Variants in MAGI2 observed in about 807,000 individuals in gnomAD.
The protein encoded by MAGI2 is membrane associated guanylate kinase, WW and PDZ domain containing 2.
In MAGI2, 35 loss-of-function variants were observed where a neutral mutation model predicts 133.3. The ratio of observed to expected loss-of-function variants is 0.26; its 90% CI spans 0.20 to 0.35. The LOEUF (loss-of-function observed/expected upper bound fraction) is 0.35. Ranked by LOEUF, MAGI2 falls within the 10% of genes least tolerant of loss-of-function variation. The pLI, the probability that MAGI2 is intolerant of heterozygous loss-of-function variation, is 1.00. For synonymous variants in MAGI2, 729 were observed against 710.6 expected (o/e 1.03, Z -0.41); for missense variants, 1,636 against 1,863.4 (o/e 0.88, Z 2.25).
intron 21 of MAGI2, among the ~76,000 whole-genome samples, chr7:78,070,160 T>TACACAC (rs1484073918): frequency 6.8e-4 from 35 of 51,664 alleles, no homozygotes; most frequent in African/African-American, 2.1e-3. Flanking sequence ...CACACATATA[T>TACACAC]ATACACACAC....
intron 2 of MAGI2, among the ~76,000 whole-genome samples, chr7:78,759,362 C>G (rs1252620408): frequency 1.3e-5 from 2 of 152,050 alleles, no homozygotes; most frequent in Non-Finnish European, 2.9e-5. Flanking sequence ...ACACATGGCA[C>G]TAAGATGCTT....
chr7:78,848,288 T>C (rs1284035738), intron 2 of MAGI2, among the ~76,000 whole-genome samples: 1 of 151,888 alleles, frequency 6.6e-6, no homozygotes, highest in African/African-American at 2.4e-5. Flanking sequence ...CAAAGCATCC[T>C]TGATTCTCCT....
At chr7:79,052,786 G>A (rs2117002660) in intron 1 of MAGI2, among the ~76,000 whole-genome samples, 1 of 152,070 alleles carries the variant, frequency 6.6e-6, no homozygotes, top group East Asian at 1.9e-4. Context: ...TAACTTGAAG[G>A]CACATAATGA....
intron 7 of MAGI2, among the ~76,000 whole-genome samples, chr7:78,350,885 C>T (rs1791438083): frequency 6.6e-6 from 1 of 152,178 alleles, no homozygotes; most frequent in African/African-American, 2.4e-5. Flanking sequence ...TGTTCACAAC[C>T]CACCTTGCTT....
chr7:78,501,682 A>C lies in MAGI2; in HGVS notation c.860T>G (p.Met287Arg). The change falls in exon 5 of 22, where the codon ATG (methionine) becomes AGG (arginine). Residue 287 changes from methionine to arginine, a missense_variant. Transcript: ENST00000354212. ...AGGTTTAGTTGGCTTTGTGTCATCC[A>C]TCTGCTCCTTCAGCTCCTCAGGCTG... ...YSQPEELKEQ[M>R]DDTKPTKPED... The C allele has an allele frequency of 6.2e-7, 1 of 1,614,108 alleles. No homozygotes were observed.
intron 16 of MAGI2, among the ~76,000 whole-genome samples, chr7:78,153,253 T>C (rs936958988): frequency 3.9e-5 from 6 of 152,182 alleles, no homozygotes; most frequent in African/African-American, 1.2e-4. Flanking sequence ...AATGAATGGC[T>C]AATTGGTTGC....
At chr7:79,382,594 A>C (rs1276013794) in intron 1 of MAGI2, among the ~76,000 whole-genome samples, 1 of 151,658 alleles carries the variant, frequency 6.6e-6, no homozygotes, top group Non-Finnish European at 1.5e-5. Context: ...CATAAGGGGA[A>C]AGCAATAGTG....
intron 2 of MAGI2, among the ~76,000 whole-genome samples, chr7:78,817,714 CTT>C (rs35369022): frequency 9.0e-5 from 13 of 144,122 alleles, no homozygotes; most frequent in Admixed American, 1.4e-4. Flanking sequence ...ATAGTGTAAA[CTT>C]TTTTTTTTTT....
intron 6 of MAGI2, among the ~76,000 whole-genome samples, chr7:78,458,953 G>A (rs906425222): frequency 6.6e-6 from 1 of 152,008 alleles, no homozygotes; most frequent in African/African-American, 2.4e-5. Flanking sequence ...TTTTCTGAAG[G>A]AAATAAAAAT....
At chr7:78,684,838 A>G (rs897274325) in intron 2 of MAGI2, among the ~76,000 whole-genome samples, 1 of 152,222 alleles carries the variant, frequency 6.6e-6, no homozygotes. Context: ...TTATTCAGAA[A>G]TTCTACCTTG....
At chr7:78,216,532 C>T (rs1472517835) in intron 10 of MAGI2, among the ~76,000 whole-genome samples, 5 of 152,210 alleles carry the variant, frequency 3.3e-5, no homozygotes, top group Non-Finnish European at 2.9e-5. Flanking sequence ...TGCTCAGCTC[C>T]TATGTGCTTT....
chr7:78,208,961 G>A (rs367669353), intron 10 of MAGI2, among the ~76,000 whole-genome samples: 153 of 151,732 alleles, frequency 1.0e-3, no homozygotes, highest in Middle Eastern at 3.4e-3. Context: ...GGTGGCTCAC[G>A]CCTGTAATCC....
intron 2 of MAGI2, among the ~76,000 whole-genome samples, chr7:79,005,514 T>A (rs1353253688): frequency 6.6e-6 from 1 of 152,216 alleles, no homozygotes; most frequent in Non-Finnish European, 1.5e-5. Context: ...ATGCAAAATT[T>A]ACTCCTATTA....
rs1163925640 is a variant in MAGI2, at chr7:79,197,239, C to A, written c.302-190033G>T. Among the ~76,000 whole-genome samples the A allele has an allele frequency of 3.3e-5, 5 of 151,974 alleles. No individual in the cohort carries two copies. The East Asian group carries it at 7.8e-4, about 24-fold the overall frequency. On this transcript the variant is annotated intron_variant, in intron 1 of 21. Coordinates refer to ENST00000354212, the MANE Select transcript of MAGI2 (RefSeq NM_012301.4). ...TCCTTACACTTCATTTTGCTGCTTG[C>A]CAGAAACGTGATTTTTGACTGACTT...
At position 79,442,879 on chromosome 7, in the gene MAGI2, T is replaced by G. The variant is rs554976283; in HGVS notation, c.301+10141A>C. On this transcript the variant is annotated intron_variant, in intron 1 of 21. Coordinates refer to ENST00000354212, the MANE Select transcript of MAGI2 (RefSeq NM_012301.4). The stretch of plus-strand genomic sequence containing the variant: ...TTAGTGACCCTCCAAGCCTAAATAC[T>G]TGCTATGTTTTGAAGAAACTTTGTC... Among the ~76,000 whole-genome samples the G allele has an allele frequency of 1.5e-3, 224 of 152,250 alleles. 1 individual carries two copies. Among genetic ancestry groups the G allele is most frequent in the South Asian group, 2.5e-3 (12 of 4,828 alleles).
intron 1 of MAGI2, among the ~76,000 whole-genome samples, chr7:79,067,967 G>C (rs1172032905): frequency 6.6e-6 from 1 of 152,132 alleles, no homozygotes; most frequent in African/African-American, 2.4e-5. Flanking sequence ...ACTTGATCTT[G>C]GTGGATAAGC....
intron 1 of MAGI2, among the ~76,000 whole-genome samples, chr7:79,442,451 A>AGT (rs3028947): frequency 0.089 from 12,912 of 145,092 alleles, 535 homozygotes; most frequent in Middle Eastern, 0.2. Flanking sequence ...GTGTTTGAAG[A>AGT]GTGTGTGTGT....
chr7:78,567,215 T>C (rs1801031127), intron 3 of MAGI2, among the ~76,000 whole-genome samples: 1 of 152,216 alleles, frequency 6.6e-6, no homozygotes, highest in African/African-American at 2.4e-5. Flanking sequence ...TTTTCTTCTA[T>C]TTCTCCTCTT....
At chr7:79,204,786 T>C (rs999612284) in intron 1 of MAGI2, among the ~76,000 whole-genome samples, 11 of 151,384 alleles carry the variant, frequency 7.3e-5, no homozygotes, top group Non-Finnish European at 1.3e-4. Context: ...AATTAAAAAA[T>C]AAAATAAATA....
Sources: gnomAD v4.1 joint callset for allele counts (sites outside exome capture counted in the v4.1 genomes callset) on GRCh38, gnomAD v4.1.1 for gene constraint, MANE v1.5 for transcripts, NCBI Gene and HGNC (gene_info 2026-07-23, HGNC 2026-07-21) for gene names.